Variants in TSPAN5 observed in about 807,000 individuals in gnomAD.
TSPAN5 encodes the protein tetraspanin-5.
In TSPAN5, 10 loss-of-function variants were observed where a neutral mutation model predicts 37.1. The observed-to-expected ratio is 0.27, with a 90% CI of 0.17 to 0.46. TSPAN5 has a LOEUF of 0.46. Among genes scored for constraint, TSPAN5 ranks in the 20% least tolerant of loss-of-function variants. TSPAN5 has a pLI of 1.00. For missense variants in TSPAN5, 195 were observed against 326.6 expected (o/e 0.60, Z 3.11); for synonymous variants, 110 against 118.9 (o/e 0.93, Z 0.48).
chr4:98,532,439 T>G (rs1045567690), intron 1 of TSPAN5, among the ~76,000 whole-genome samples: 2 of 152,206 alleles, frequency 1.3e-5, no homozygotes, highest in African/African-American at 4.8e-5. Context: ...GGTATTTTAT[T>G]CTCTTTGAAG....
At chr4:98,527,681 TG>T (rs1181205015) in intron 1 of TSPAN5, among the ~76,000 whole-genome samples, 1 of 152,186 alleles carries the variant, frequency 6.6e-6, no homozygotes, top group East Asian at 1.9e-4. Flanking sequence ...CACCCCTACG[TG>T]CTCTGTCTGA....
At chr4:98,575,759 C>T (rs1376419387) in intron 1 of TSPAN5, among the ~76,000 whole-genome samples, 3 of 108,180 alleles carry the variant, frequency 2.8e-5, no homozygotes, top group African/African-American at 4.2e-5. Flanking sequence ...TCCATCTGCG[C>T]CCCCCACCCC....
intron 1 of TSPAN5, among the ~76,000 whole-genome samples, chr4:98,583,656 C>T (rs767958989): frequency 9.2e-5 from 14 of 152,224 alleles, no homozygotes; most frequent in Non-Finnish European, 1.5e-4. Flanking sequence ...AACAGAAAGA[C>T]CGGGACTAAC....
intron 1 of TSPAN5, among the ~76,000 whole-genome samples, chr4:98,515,199 C>T (rs946032009): frequency 1.3e-5 from 2 of 152,092 alleles, no homozygotes; most frequent in African/African-American, 4.8e-5. Flanking sequence ...GTGGTGAGGA[C>T]TCTGGTTTCT....
rs559630614 is a variant in TSPAN5, at chr4:98,569,648, G to A, written c.82-61920C>T. The stretch of plus-strand genomic sequence containing the variant: ...GGAAAATACAAGAGACACTAAGGAA[G>A]TAAAAGAAATGCAAAGATGACTGGA... On this transcript the variant is annotated intron_variant, in intron 1 of 7. Coordinates refer to ENST00000305798, the MANE Select transcript of TSPAN5 (RefSeq NM_005723.4). Among the ~76,000 whole-genome samples the A allele has an allele frequency of 6.2e-4, 95 of 152,214 alleles. 1 individual carries two copies. Among genetic ancestry groups the A allele is most frequent in the Admixed American group, 6.2e-3 (95 of 15,284 alleles).
At position 98,480,341 on chromosome 4, in the gene TSPAN5, C is replaced by T. The variant is rs569388196; in HGVS notation, c.451-1531G>A. ...ACTTTTCATCATATTTGTTTCTACT[C>T]TGAGTTTGTTTAAAAACAAGTGCAT... On this transcript the variant is annotated intron_variant, in intron 4 of 7. Transcript: ENST00000305798. 8.5e-5 allele frequency among the ~76,000 whole-genome samples: 13 copies of T among 152,290 alleles called. No homozygotes were observed. The South Asian group carries it at 2.7e-3, about 32-fold the overall frequency.
rs376553763 is a variant in TSPAN5, at chr4:98,487,839, CT to C, written c.133-956del. Among the ~76,000 whole-genome samples, 570 of 152,234 alleles carry C rather than the reference CT, an allele frequency of 3.7e-3. 5 individuals carry two copies. Among genetic ancestry groups the C allele is most frequent in the African/African-American group, 0.013 (545 of 41,534 alleles). On this transcript the variant is annotated intron_variant, in intron 2 of 7. Transcript: ENST00000305798. ...TTCCACAAAAAATGACATTTCTTTA[CT>C]GAAATCCCCTCTTCCCTTATGTGTG... is the stretch of plus-strand genomic sequence containing the variant.
At chr4:98,591,023 C>G (rs1755620157) in intron 1 of TSPAN5, among the ~76,000 whole-genome samples, 2 of 151,486 alleles carry the variant, frequency 1.3e-5, no homozygotes, top group South Asian at 4.2e-4. Flanking sequence ...AGTCATAGCC[C>G]AATAGAAATG....
chr4:98,551,492 C>CTT lies in TSPAN5; in HGVS notation c.82-43766_82-43765dup, dbSNP rs35415457. Among the ~76,000 whole-genome samples, 374 of 92,218 alleles carry CTT rather than the reference C, an allele frequency of 4.1e-3. 10 individuals carry two copies. Among genetic ancestry groups the CTT allele is most frequent in the African/African-American group, 0.014 (336 of 24,088 alleles). 60.5% of individuals were successfully genotyped at this position (92,218 alleles called of 152,430 possible). On this transcript the variant is annotated intron_variant, in intron 1 of 7. Coordinates refer to ENST00000305798, the MANE Select transcript of TSPAN5 (RefSeq NM_005723.4). ...TGTATGGTTTTTTCCTTTTTCTTTT[C>CTT]TTTTTTTTTTTTTTTTTGAGATGGA...
rs1757340857 is a variant in TSPAN5, at chr4:98,658,469, T to G, written c.-243A>C. 1.1e-5 allele frequency: 3 copies of G among 274,380 alleles called. No homozygotes were observed. The highest frequency in any genetic ancestry group is 5.4e-5 in the Admixed American group (1 of 18,482). The allele number at this position is 274,380 out of a possible 1,614,324, so 17.0% of individuals were successfully genotyped here. ...GCGAGAAAGCAGGGAAGCCGCGCGC[T>G]GCAAGCTCAAGCCTCGCCGACGCTA... On this transcript the variant is annotated 5_prime_UTR_variant, in exon 1 of 8. Coordinates refer to ENST00000305798, the MANE Select transcript of TSPAN5 (RefSeq NM_005723.4).
intron 1 of TSPAN5, among the ~76,000 whole-genome samples, chr4:98,624,522 T>TTTTG (rs1215168824): frequency 6.6e-6 from 1 of 152,202 alleles, no homozygotes; most frequent in Non-Finnish European, 1.5e-5. Context: ...TTTCTGTGTT[T>TTTTG]TTTGTTTGTT....
At chr4:98,641,102 G>A (rs1477816971) in intron 1 of TSPAN5, among the ~76,000 whole-genome samples, 2 of 152,060 alleles carry the variant, frequency 1.3e-5, no homozygotes, top group African/African-American at 4.8e-5. Context: ...CCTAGCATTG[G>A]GAAGAGGAGG....
intron 1 of TSPAN5, among the ~76,000 whole-genome samples, chr4:98,532,808 TATG>T (rs1754126477): frequency 6.6e-6 from 1 of 152,242 alleles, no homozygotes; most frequent in Admixed American, 6.5e-5. Flanking sequence ...CCTCATTCAG[TATG>T]ATATTGGCTG....
At chr4:98,632,678 A>G (rs1416366611) in intron 1 of TSPAN5, among the ~76,000 whole-genome samples, 2 of 152,114 alleles carry the variant, frequency 1.3e-5, no homozygotes, top group Non-Finnish European at 2.9e-5. Flanking sequence ...CAATCAAATA[A>G]TCACCCAAAT....
chr4:98,549,674 T>C (rs997426529), intron 1 of TSPAN5, among the ~76,000 whole-genome samples: 18 of 152,286 alleles, frequency 1.2e-4, no homozygotes, highest in African/African-American at 4.3e-4. Flanking sequence ...TGGCCACTTG[T>C]ATGTCTTCTT....
chr4:98,655,654 C>T (rs1160287904), intron 1 of TSPAN5, among the ~76,000 whole-genome samples: 1 of 152,214 alleles, frequency 6.6e-6, no homozygotes, highest in Non-Finnish European at 1.5e-5. Context: ...ATGGGAGTAG[C>T]ACCGAGTCTG....
chr4:98,603,246 C>G (rs556381878), intron 1 of TSPAN5, among the ~76,000 whole-genome samples: 4 of 152,302 alleles, frequency 2.6e-5, no homozygotes, highest in African/African-American at 9.6e-5. Flanking sequence ...TTCCTTTAGA[C>G]TCCCCCCTAC....
At chr4:98,477,587 G>C (rs911097361) in intron 5 of TSPAN5, among the ~76,000 whole-genome samples, 2 of 152,100 alleles carry the variant, frequency 1.3e-5, no homozygotes, top group African/African-American at 4.8e-5. Flanking sequence ...GTCCCAGAAG[G>C]GTTCTGCAGC....
Position 98,486,851 on chromosome 4 carries a change from G to C in TSPAN5, c.166C>G (p.Leu56Val). The C allele has an allele frequency of 6.2e-7, 1 of 1,614,112 alleles. No individual in the cohort carries two copies. Among genetic ancestry groups the C allele is most frequent in the South Asian group, 1.1e-5 (1 of 91,082 alleles). ...AGCCAAACTGGGTCAAAGCCGCCGA[G>C]ATCGGTGATGGAAGAGATGTTGGAC... is the stretch of plus-strand genomic sequence containing the variant. ...VLSNISSITD[L>V]GGFDPVWLFL... The change falls in exon 3 of 8, where the codon CTC becomes GTC. Residue 56 changes from leucine (L) to valine (V), a missense_variant. Leu to Val is a conservative substitution (Grantham distance 32). Transcript: ENST00000305798.
Sources: allele counts gnomAD v4.1 joint callset (sites outside exome capture counted in the v4.1 genomes callset), GRCh38; gene constraint gnomAD v4.1.1; transcripts MANE v1.5; gene names NCBI Gene and HGNC (gene_info 2026-07-23, HGNC 2026-07-21).